Variants in ZBTB20 observed in about 807,000 individuals in gnomAD.
ZBTB20 encodes the protein zinc finger and BTB domain containing 20.
Under a neutral mutation model 56.9 loss-of-function variants are expected in ZBTB20, and 9 were observed. The observed-to-expected ratio is 0.16, with a 90% CI of 0.10 to 0.28. ZBTB20 has a LOEUF of 0.28. Among genes scored for constraint, ZBTB20 ranks in the 10% least tolerant of loss-of-function variants. The pLI is 1.00. For missense variants in ZBTB20, 655 were observed against 1,003.0 expected (o/e 0.65, Z 4.69); for synonymous variants, 417 against 420.7 (o/e 0.99, Z 0.11).
intron 6 of ZBTB20, among the ~76,000 whole-genome samples, chr3:114,504,762 A>G (rs1264576403): frequency 6.6e-6 from 1 of 152,214 alleles, no homozygotes; most frequent in African/African-American, 2.4e-5. Flanking sequence ...CAAGTGGAAG[A>G]GTTTGAGAAG....
chr3:114,360,366 C>T (rs1402596710), intron 10 of ZBTB20, among the ~76,000 whole-genome samples: 10 of 135,958 alleles, frequency 7.4e-5, no homozygotes, highest in Non-Finnish European at 1.6e-4. Flanking sequence ...TTTTTTGAGA[C>T]GGAGTCTTGT....
At chr3:114,683,696 G>C (rs1453077112) in intron 6 of ZBTB20, among the ~76,000 whole-genome samples, 1 of 151,822 alleles carries the variant, frequency 6.6e-6, no homozygotes, top group Non-Finnish European at 1.5e-5. Flanking sequence ...TAAGCCCTGG[G>C]GGCTTAATGT....
At position 114,956,857 on chromosome 3, in the gene ZBTB20, C is replaced by T. The variant is rs184809504; in HGVS notation, c.-456+17509G>A. Among the ~76,000 whole-genome samples the T allele has an allele frequency of 6.6e-4, 101 of 152,294 alleles. 1 individual carries two copies. The highest frequency in any genetic ancestry group is 2.4e-3 in the African/African-American group (99 of 41,558). ...CAGGAAGAGCAAAGTGTTTCACTCT[C>T]ATCTCAGTGAACCTGTTCATACTGA... On this transcript the variant is annotated intron_variant, in intron 3 of 11. Coordinates refer to ENST00000675478, the MANE Select transcript of ZBTB20 (RefSeq NM_001348800.3).
At chr3:115,075,988 A>T (rs1452104784) in intron 1 of ZBTB20, among the ~76,000 whole-genome samples, 2 of 152,120 alleles carry the variant, frequency 1.3e-5, no homozygotes, top group African/African-American at 4.8e-5. Context: ...TTAACAAGGA[A>T]CCATCTGAAA....
chr3:114,328,054 G>A lies in ZBTB20; in HGVS notation c.*10951C>T. 1 of 152,150 alleles carries A rather than the reference G, an allele frequency of 6.6e-6. No individual in the cohort carries two copies. Among genetic ancestry groups the A allele is most frequent in the East Asian group, 1.9e-4 (1 of 5,200 alleles). The allele number at this position is 152,150 out of a possible 1,614,324, so 9.4% of individuals were successfully genotyped here. On this transcript the variant is annotated 3_prime_UTR_variant, in exon 12 of 12. Transcript: ENST00000675478. Reference sequence around the variant, plus strand: ...ATATGGGGCGTATTTAGGTGCTGGGGAGTGCACTGCATGGCTCTTTAGGTA... The same window carrying A: ...ATATGGGGCGTATTTAGGTGCTGGGAAGTGCACTGCATGGCTCTTTAGGTA...
At chr3:114,662,875 T>A (rs1355944460) in intron 6 of ZBTB20, among the ~76,000 whole-genome samples, 1 of 152,148 alleles carries the variant, frequency 6.6e-6, no homozygotes, top group African/African-American at 2.4e-5. Flanking sequence ...TAGTTTCTTT[T>A]GCTGTGCAGA....
intron 6 of ZBTB20, among the ~76,000 whole-genome samples, chr3:114,665,276 G>T (rs2060984861): frequency 6.6e-6 from 1 of 151,946 alleles, no homozygotes; most frequent in African/African-American, 2.4e-5. Context: ...ACAGTATTCA[G>T]TTCAGTAACA....
chr3:114,679,106 TC>T (rs1315285271), intron 6 of ZBTB20, among the ~76,000 whole-genome samples: 1 of 152,108 alleles, frequency 6.6e-6, no homozygotes, highest in Non-Finnish European at 1.5e-5. Context: ...CTGGACCCCT[TC>T]CTTACACCTT....
intron 6 of ZBTB20, among the ~76,000 whole-genome samples, chr3:114,507,880 A>T (rs1002523023): frequency 2.6e-5 from 4 of 152,200 alleles, no homozygotes; most frequent in African/African-American, 9.6e-5. Flanking sequence ...CATTCAAAAT[A>T]GTAATATATG....
intron 10 of ZBTB20, among the ~76,000 whole-genome samples, chr3:114,363,343 T>A (rs1019376380): frequency 6.6e-6 from 1 of 152,194 alleles, no homozygotes; most frequent in African/African-American, 2.4e-5. Context: ...AATTTATTCT[T>A]GAAAGAAAAG....
At chr3:114,964,117 G>A (rs886225578) in intron 3 of ZBTB20, among the ~76,000 whole-genome samples, 1 of 152,088 alleles carries the variant, frequency 6.6e-6, no homozygotes, top group African/African-American at 2.4e-5. Context: ...CCAGGCATGA[G>A]TTAAAAACTT....
chr3:114,757,676 A>C (rs184956311), intron 5 of ZBTB20, among the ~76,000 whole-genome samples: 1 of 152,140 alleles, frequency 6.6e-6, no homozygotes, highest in Non-Finnish European at 1.5e-5. Flanking sequence ...TATATTTTCT[A>C]AACTTTCTTA....
chr3:114,687,436 A>C (rs2108289954), intron 6 of ZBTB20: 1 of 152,214 alleles, frequency 6.6e-6, no homozygotes, highest in South Asian at 2.1e-4. Flanking sequence ...CAGGCGCCAC[A>C]GGCAGAACTA....
chr3:114,775,141 A>G (rs1340875511), intron 5 of ZBTB20, among the ~76,000 whole-genome samples: 1 of 152,044 alleles, frequency 6.6e-6, no homozygotes, highest in Non-Finnish European at 1.5e-5. Context: ...GTACTGATTC[A>G]TAAGTAACTT....
At chr3:114,598,465 T>C (rs1289701320) in intron 6 of ZBTB20, among the ~76,000 whole-genome samples, 1 of 151,608 alleles carries the variant, frequency 6.6e-6, no homozygotes, top group Non-Finnish European at 1.5e-5. Context: ...ATATGCTCAA[T>C]CCCTCTTGTA....
chr3:114,880,256 G>A (rs7635846), intron 4 of ZBTB20, among the ~76,000 whole-genome samples: 114,477 of 152,142 alleles, frequency 0.75, 47,406 homozygotes, highest in East Asian at 0.99. Context: ...CGCAGAGTCC[G>A]GGCCGCCTTT....
intron 4 of ZBTB20, among the ~76,000 whole-genome samples, chr3:114,803,230 C>G (rs931802697): frequency 2.0e-5 from 3 of 151,062 alleles, no homozygotes. Flanking sequence ...TTCCAGATGA[C>G]AAACTCATTC....
At chr3:114,526,550 T>G (rs2047242495) in intron 6 of ZBTB20, among the ~76,000 whole-genome samples, 1 of 152,118 alleles carries the variant, frequency 6.6e-6, no homozygotes, top group African/African-American at 2.4e-5. Context: ...ACTGTGCATT[T>G]TTACATTCCA....
intron 1 of ZBTB20, among the ~76,000 whole-genome samples, chr3:115,080,030 C>G (rs1490079639): frequency 6.6e-6 from 1 of 152,102 alleles, no homozygotes; most frequent in Non-Finnish European, 1.5e-5. Context: ...AATGTTCATG[C>G]CCAAATTTAT....
Sources: gnomAD v4.1 joint callset for allele counts (sites outside exome capture counted in the v4.1 genomes callset) on GRCh38, gnomAD v4.1.1 for gene constraint, MANE v1.5 for transcripts, NCBI Gene and HGNC (gene_info 2026-07-23, HGNC 2026-07-21) for gene names.